FOXN3: variants seen among roughly 807,000 people sequenced by gnomAD.
FOXN3 encodes the protein forkhead box N3, also known as forkhead box protein N3.
Under a neutral mutation model 38.4 loss-of-function variants are expected in FOXN3, and 7 were observed. The ratio of observed to expected loss-of-function variants is 0.18; its 90% CI spans 0.10 to 0.34. The LOEUF (loss-of-function observed/expected upper bound fraction) is 0.34. FOXN3 is among the 10% of genes least tolerant of loss of function. The pLI is 1.00. For synonymous variants in FOXN3, 230 were observed against 242.2 expected, an observed-to-expected ratio of 0.95 and a Z score of 0.47; for missense variants, 456 against 613.4, an observed-to-expected ratio of 0.74 and a Z score of 2.71.
At chr14:89,269,821 T>C (rs1886093264) in intron 4 of FOXN3, among the ~76,000 whole-genome samples, 1 of 152,120 alleles carries the variant, frequency 6.6e-6, no homozygotes, top group South Asian at 2.1e-4. Flanking sequence ...ATGAACCTGT[T>C]ACTTCATTTT....
intron 1 of FOXN3, among the ~76,000 whole-genome samples, chr14:89,422,934 G>A (rs2140107812): frequency 6.6e-6 from 1 of 152,290 alleles, no homozygotes; most frequent in Non-Finnish European, 1.5e-5. Flanking sequence ...GGCTGCTGGA[G>A]GCAAAATGGA....
chr14:89,530,516 A>G (rs1894535404), intron 1 of FOXN3, among the ~76,000 whole-genome samples: 1 of 152,212 alleles, frequency 6.6e-6, no homozygotes, highest in South Asian at 2.1e-4. Flanking sequence ...ATTATGGGAA[A>G]TACAATTCAA....
chr14:89,239,975 A>T (rs1421836091), intron 4 of FOXN3, among the ~76,000 whole-genome samples: 1 of 152,216 alleles, frequency 6.6e-6, no homozygotes, highest in Non-Finnish European at 1.5e-5. Flanking sequence ...CTTGTCCCAC[A>T]AGGCCATGCT....
chr14:89,412,776 G>A lies in FOXN3; in HGVS notation c.-14-286C>T, dbSNP rs887965567. 3.3e-5 allele frequency among the ~76,000 whole-genome samples: 5 copies of A among 152,170 alleles called. No homozygotes were observed. Among genetic ancestry groups the A allele is most frequent in the African/African-American group, 9.7e-5 (4 of 41,450 alleles). The stretch of plus-strand genomic sequence containing the variant: ...CGGCCAGGCACGGTGGCTCACGCCT[G>A]TAATCCCAGCACTTTGGGAGGCTGA... On this transcript the variant is annotated intron_variant, in intron 1 of 5. Transcript: ENST00000557258. This position sits in a 1 kb window ranked among gnomAD's most constrained non-coding sequence, Gnocchi z 4.7.
In FOXN3 at chr14:89,202,188, A is replaced by G. The variant is rs575071738; in HGVS notation, c.746-21382T>C. Among the ~76,000 whole-genome samples, 15 of 152,284 alleles carry G rather than the reference A, an allele frequency of 9.9e-5. No individual in the cohort carries two copies. In the South Asian group the frequency reaches 2.5e-3, roughly 25 times the overall value. On this transcript the variant is annotated intron_variant, in intron 4 of 5. Transcript: ENST00000557258. Reference sequence around the variant, plus strand: ...AGAACTGGAGGGTGACTCTGAACATAGGCTCACTTTGCCTGGGGATGTATG... The same window carrying G: ...AGAACTGGAGGGTGACTCTGAACATGGGCTCACTTTGCCTGGGGATGTATG...
Position 89,195,585 on chromosome 14 carries a change from AG to A in FOXN3, c.746-14780del, listed in dbSNP as rs146345376. Among the ~76,000 whole-genome samples the A allele has an allele frequency of 2.2e-3, 335 of 152,278 alleles. 1 individual carries two copies. Among genetic ancestry groups the A allele is most frequent in the African/African-American group, 7.7e-3 (319 of 41,558 alleles). ...AGGCATAGCTGATTGTGAAGGGTAA[AG>A]GGCCCAGGACAAGATCTCCAGGAGG... On this transcript the variant is annotated intron_variant, in intron 4 of 5. Transcript: ENST00000557258.
intron 1 of FOXN3, among the ~76,000 whole-genome samples, chr14:89,433,105 T>C (rs1002577325): frequency 2.0e-5 from 3 of 152,036 alleles, no homozygotes; most frequent in Middle Eastern, 3.2e-3. Context: ...CTGTAATCCT[T>C]TGGGAGGCCG....
intron 1 of FOXN3, among the ~76,000 whole-genome samples, chr14:89,425,723 A>G (rs531472828): frequency 6.6e-6 from 1 of 152,346 alleles, no homozygotes; most frequent in South Asian, 2.1e-4. Context: ...CAAACACTGA[A>G]TTAACAAATC....
chr14:89,330,525 A>G (rs891062477), intron 3 of FOXN3, among the ~76,000 whole-genome samples: 12 of 152,188 alleles, frequency 7.9e-5, no homozygotes, highest in African/African-American at 2.7e-4. Context: ...TTGAATTGCC[A>G]TTTGCAGGGA....
chr14:89,285,863 ATTTTTTTTT>A (rs34767285), intron 3 of FOXN3, among the ~76,000 whole-genome samples: 3 of 145,976 alleles, frequency 2.1e-5, no homozygotes, highest in African/African-American at 2.6e-5. Context: ...TTTACCAAAA[ATTTTTTTTT>A]TTTTTTTTTT....
intron 4 of FOXN3, among the ~76,000 whole-genome samples, chr14:89,232,621 C>T (rs1485586115): frequency 2.0e-5 from 3 of 152,220 alleles, no homozygotes; most frequent in Non-Finnish European, 2.9e-5. Context: ...ATTGGTTTAA[C>T]TAATCCCACT....
At chr14:89,382,687 C>G (rs1890681661) in intron 2 of FOXN3, among the ~76,000 whole-genome samples, 1 of 152,236 alleles carries the variant, frequency 6.6e-6, no homozygotes, top group Admixed American at 6.5e-5. Context: ...CTAATTGCCT[C>G]TCTGACCCTC....
chr14:89,507,745 C>A (rs191719582), intron 1 of FOXN3, among the ~76,000 whole-genome samples: 69 of 150,586 alleles, frequency 4.6e-4, no homozygotes, highest in Middle Eastern at 6.8e-3. Context: ...ATGCTGCAGT[C>A]TAAATGAACA....
At chr14:89,376,991 G>C (rs142984665) in intron 2 of FOXN3, among the ~76,000 whole-genome samples, 3 of 102,792 alleles carry the variant, frequency 2.9e-5, no homozygotes, top group Non-Finnish European at 5.8e-5. Flanking sequence ...ATTGCACTCC[G>C]GCCTGAGCAA....
At chr14:89,514,649 A>G (rs1239396382) in intron 1 of FOXN3, among the ~76,000 whole-genome samples, 1 of 152,170 alleles carries the variant, frequency 6.6e-6, no homozygotes, top group Middle Eastern at 3.2e-3. Context: ...GGACGGCACT[A>G]TTTCCACTAC....
chr14:89,535,685 T>G (rs1396832087), intron 1 of FOXN3, among the ~76,000 whole-genome samples: 1 of 152,226 alleles, frequency 6.6e-6, no homozygotes, highest in African/African-American at 2.4e-5. Flanking sequence ...ACCTACTTCC[T>G]TACCTTTGTC....
At chr14:89,458,477 G>A (rs182897796) in intron 1 of FOXN3, among the ~76,000 whole-genome samples, 6 of 152,284 alleles carry the variant, frequency 3.9e-5, no homozygotes, top group East Asian at 1.9e-4. Flanking sequence ...ATCCATGGAC[G>A]CCAACGGTCT....
intron 1 of FOXN3, among the ~76,000 whole-genome samples, chr14:89,506,675 G>A (rs1253111428): frequency 6.6e-6 from 1 of 152,176 alleles, no homozygotes; most frequent in African/African-American, 2.4e-5. Context: ...CGGTTTTGTG[G>A]AATAGAAAGG....
chr14:89,426,933 G>A (rs17702672), intron 1 of FOXN3, among the ~76,000 whole-genome samples: 11,507 of 151,774 alleles, frequency 0.076, 685 homozygotes, highest in Admixed American at 0.14. Flanking sequence ...AATTGTGACC[G>A]AGAAATAGAA....
Sources: allele counts gnomAD v4.1 joint callset (sites outside exome capture counted in the v4.1 genomes callset), GRCh38; gene constraint gnomAD v4.1.1; non-coding constraint Gnocchi (gnomAD v3.1); transcripts MANE v1.5; gene names NCBI Gene and HGNC (gene_info 2026-07-23, HGNC 2026-07-21).